The following GNPTAB variants were observed in gnomAD, a reference collection of about 807,000 sequenced individuals.
GNPTAB encodes the protein N-acetylglucosamine-1-phosphotransferase subunits alpha/beta.
A neutral mutation model predicts 136.6 loss-of-function variants in GNPTAB; 92 were observed. The observed-to-expected ratio is 0.67, with a 90% CI of 0.57 to 0.80. The LOEUF (loss-of-function observed/expected upper bound fraction) is 0.80. Ranked by LOEUF, GNPTAB falls within the 30% of genes least tolerant of loss-of-function variation. The pLI, the probability that GNPTAB is intolerant of heterozygous loss-of-function variation, is 0.00. For missense variants in GNPTAB, 1,343 were observed against 1,501.8 expected, an observed-to-expected ratio of 0.89 and a Z score of 1.75; for synonymous variants, 512 against 535.1, an observed-to-expected ratio of 0.96 and a Z score of 0.60.
At chr12:101,823,912 G>A (rs926561697) in intron 1 of GNPTAB, among the ~76,000 whole-genome samples, 2 of 152,172 alleles carry the variant, frequency 1.3e-5, no homozygotes, top group South Asian at 4.1e-4. Flanking sequence ...GCAAGGTAAA[G>A]GGCTAACAGC....
rs886048850 is a variant in GNPTAB, at chr12:101,757,601, G to C, written c.3306C>G (p.His1102Gln). ...TNCKPVTDKI[H>Q]KAYKDKNKYR... is the part of the protein sequence containing the mutation. The stretch of plus-strand genomic sequence containing the variant: ...ATTTGTTTTTGTCCTTATATGCTTT[G>C]TGGATTTTGTCAGTTACTGGTTTAC... Residue 1102 changes from histidine (H) to glutamine (Q), a missense_variant, in exon 17 of 21, where the codon CAC becomes CAG. Physicochemically the swap from His to Gln is conservative, Grantham distance 24 (BLOSUM62 0). Transcript: ENST00000299314. 11 of 1,578,628 alleles carry C rather than the reference G, an allele frequency of 7.0e-6. No homozygotes were observed. The highest frequency in any genetic ancestry group is 9.6e-6 in the Non-Finnish European group (11 of 1,148,122).
chr12:101,820,284 C>T (rs929266940), intron 1 of GNPTAB, among the ~76,000 whole-genome samples: 1 of 152,212 alleles, frequency 6.6e-6, no homozygotes, highest in African/African-American at 2.4e-5. Flanking sequence ...ACTTGTCTAT[C>T]TCGCTTACTT....
At chr12:101,824,788 A>G (rs1871005373) in intron 1 of GNPTAB, among the ~76,000 whole-genome samples, 1 of 152,076 alleles carries the variant, frequency 6.6e-6, no homozygotes, top group Admixed American at 6.6e-5. Flanking sequence ...AAACTGGTTA[A>G]TAATAAACTA....
intron 1 of GNPTAB, among the ~76,000 whole-genome samples, chr12:101,822,369 G>T (rs540646819): frequency 6.6e-6 from 1 of 152,144 alleles, no homozygotes; most frequent in Admixed American, 6.5e-5. Context: ...AGCCGAGATC[G>T]CGCCACTGCA....
intron 4 of GNPTAB, among the ~76,000 whole-genome samples, chr12:101,787,389 C>T (rs908056235): frequency 5.9e-5 from 9 of 152,006 alleles, no homozygotes; most frequent in African/African-American, 2.2e-4. Flanking sequence ...AAACTGCCCA[C>T]AGATTATAAA....
In GNPTAB at chr12:101,805,615, C is replaced by T. The variant is rs147913944; in HGVS notation, c.118-8853G>A. 1.2e-3 allele frequency among the ~76,000 whole-genome samples: 179 copies of T among 152,306 alleles called. No homozygotes were observed. In the East Asian group the frequency reaches 0.013, roughly 11 times the overall value. On this transcript the variant is annotated intron_variant, in intron 1 of 20. Coordinates refer to ENST00000299314, the MANE Select transcript of GNPTAB (RefSeq NM_024312.5). ...TTCACCACATTGCCCAGGTTAGTCT[C>T]AAACTCCTGGGCTCATGCGATCTGC...
intron 18 of GNPTAB, among the ~76,000 whole-genome samples, chr12:101,755,772 A>T (rs774805579): frequency 1.4e-4 from 22 of 152,228 alleles, no homozygotes; most frequent in Admixed American, 9.2e-4. Flanking sequence ...GTTAATGATA[A>T]AATCTGTTCA....
At chr12:101,803,954 A>G (rs903446163) in intron 1 of GNPTAB, among the ~76,000 whole-genome samples, 8 of 152,100 alleles carry the variant, frequency 5.3e-5, no homozygotes, top group Non-Finnish European at 1.2e-4. Flanking sequence ...AATACTGTCT[A>G]GGCATGGTGG....
chr12:101,770,456 G>A lies in GNPTAB; in HGVS notation c.1063C>T (p.Pro355Ser). Residue 355 changes from proline to serine, a missense_variant, in exon 9 of 21, where the codon CCA becomes TCA. Pro to Ser is a moderately conservative substitution (Grantham distance 74). Transcript: ENST00000299314. Reference sequence around the variant, plus strand: ...GGATTGTCAAGGTTCAGCCAGGATGGAATCTGCCCGTTGGTGACAATGAAA... The same window carrying A: ...GGATTGTCAAGGTTCAGCCAGGATGAAATCTGCCCGTTGGTGACAATGAAA... ...NIFIVTNGQIPSWLNLDNPRV... is the reference protein window; with the variant it reads ...NIFIVTNGQISSWLNLDNPRV... The A allele has an allele frequency of 6.2e-7, 1 of 1,613,834 alleles. No individual in the cohort carries two copies. The highest frequency in any genetic ancestry group is 8.5e-7 in the Non-Finnish European group (1 of 1,179,686).
intron 5 of GNPTAB, among the ~76,000 whole-genome samples, chr12:101,784,070 G>C (rs1192691680): frequency 2.0e-5 from 3 of 152,084 alleles, no homozygotes; most frequent in Non-Finnish European, 1.5e-5. Flanking sequence ...GTTAGACACT[G>C]ATCAGGATAT....
In GNPTAB at chr12:101,764,836, T is replaced by G. The variant is rs1450738701; in HGVS notation, c.2081A>C (p.Lys694Thr). ...GAGTGAAATATTTACCAGGGGAATT[T>G]TCACCTCTTCCTGGGCTCTCCTTGT... ...NSTRRAQEEV[K>T]IPLVNISLLP... The change falls in exon 13 of 21, where the codon AAA (lysine) becomes ACA (threonine). Residue 694 changes from lysine (K) to threonine (T), a missense_variant. Lys to Thr is a moderately conservative substitution (Grantham distance 78, BLOSUM62 -1). Transcript: ENST00000299314. The G allele has an allele frequency of 1.9e-6, 3 of 1,614,208 alleles. No individual in the cohort carries two copies. In the South Asian group the frequency reaches 3.3e-5, roughly 18 times the overall value.
chr12:101,823,521 A>G (rs1434271437), intron 1 of GNPTAB, among the ~76,000 whole-genome samples: 2 of 151,144 alleles, frequency 1.3e-5, no homozygotes, highest in Non-Finnish European at 2.9e-5. Flanking sequence ...GACACAAGAG[A>G]ATCGCTTGAA....
At chr12:101,758,190 C>T (rs1952931676) in intron 16 of GNPTAB, among the ~76,000 whole-genome samples, 1 of 152,152 alleles carries the variant, frequency 6.6e-6, no homozygotes, top group South Asian at 2.1e-4. Context: ...AGGAACCCGC[C>T]ACCACACCCA....
At position 101,761,154 on chromosome 12, in the gene GNPTAB, T is replaced by G. The variant is rs765060587; in HGVS notation, c.3108A>C (p.Arg1036Ser). The change falls in exon 15 of 21, where the codon AGA becomes AGC. Residue 1036 changes from arginine (R) to serine (S), a missense_variant. By Grantham distance (110) the Arg-to-Ser change is moderately radical. Coordinates refer to ENST00000299314, the MANE Select transcript of GNPTAB (RefSeq NM_024312.5). ...SDREIRTLAT[R>S]IHELPLSLQD... ...GCAAACTTAACGGCAGTTCGTGAAT[T>G]CTGGTAGCCAGTGTTCGGATTTCTC... The G allele has an allele frequency of 6.2e-7, 1 of 1,613,870 alleles. No individual in the cohort carries two copies. Among genetic ancestry groups the G allele is most frequent in the Non-Finnish European group, 8.5e-7 (1 of 1,179,710 alleles).
At chr12:101,817,532 G>C (rs771034220) in intron 1 of GNPTAB, among the ~76,000 whole-genome samples, 1 of 152,086 alleles carries the variant, frequency 6.6e-6, no homozygotes, top group African/African-American at 2.4e-5. Flanking sequence ...GCCTCTCAAA[G>C]TGCTGGGATT....
At position 101,769,967 on chromosome 12, in the gene GNPTAB, T is replaced by C. The variant is rs548128144; in HGVS notation, c.1284+54A>G. 759 of 1,525,618 alleles carry C rather than the reference T, an allele frequency of 5.0e-4. 9 individuals carry two copies. The South Asian group carries it at 5.7e-3, about 12-fold the overall frequency. 94.5% of individuals were successfully genotyped at this position (1,525,618 alleles called of 1,614,324 possible). A position where few individuals can be genotyped will look rare whatever the true frequency, so the allele number is the denominator to read the frequency against. ...TACAGTAGTATGTGCACTCATTTTCTGATTTGCTAAGTGACTTCCACGCTA... is the reference window on the plus strand; with the variant it reads ...TACAGTAGTATGTGCACTCATTTTCCGATTTGCTAAGTGACTTCCACGCTA... On this transcript the variant is annotated intron_variant, in intron 10 of 20. Transcript: ENST00000299314.
intron 1 of GNPTAB, among the ~76,000 whole-genome samples, chr12:101,813,378 A>G (rs187239802): frequency 2.0e-5 from 3 of 152,322 alleles, no homozygotes; most frequent in Admixed American, 2.0e-4. Flanking sequence ...CATGATACAC[A>G]CTGGTAACCT....
At chr12:101,829,243 G>C (rs1871251421) in intron 1 of GNPTAB, among the ~76,000 whole-genome samples, 1 of 152,138 alleles carries the variant, frequency 6.6e-6, no homozygotes, top group African/African-American at 2.4e-5. Flanking sequence ...CCAACACTTT[G>C]GGAGGCCAAG....
Position 101,830,584 on chromosome 12 carries a change from A to G in GNPTAB, c.92T>C (p.Ile31Thr). Residue 31 changes from isoleucine (I) to threonine (T), a missense_variant, in exon 1 of 21, where the codon ATC becomes ACC. Transcript: ENST00000299314. ...CTCTCCGAACTGGAAGGCGGAGACG[A>G]TGGTGACAACGACGCCCAAGAAGCA... ...YVCFLGVVVT[I>T]VSAFQFGEVV... 1 of 1,612,202 alleles carries G rather than the reference A, an allele frequency of 6.2e-7. No homozygotes were observed. The highest frequency in any genetic ancestry group is 8.5e-7 in the Non-Finnish European group (1 of 1,178,810).
Sources: allele counts gnomAD v4.1 joint callset (sites outside exome capture counted in the v4.1 genomes callset), GRCh38; gene constraint gnomAD v4.1.1; transcripts MANE v1.5; gene names NCBI Gene and HGNC (gene_info 2026-07-23, HGNC 2026-07-21).